The following NPAS3 variants were observed in gnomAD, a reference collection of about 807,000 sequenced individuals.
NPAS3 encodes neuronal PAS domain protein 3, also known as neuronal PAS domain-containing protein 3.
In NPAS3, 14 loss-of-function variants were observed where a neutral mutation model predicts 73.1. The ratio of observed to expected loss-of-function variants is 0.19; its 90% CI spans 0.13 to 0.30. The LOEUF is 0.30. Ranked by LOEUF, NPAS3 falls within the 10% of genes least tolerant of loss-of-function variation. NPAS3 has a pLI of 1.00. For missense variants in NPAS3, 1,096 were observed against 1,250.0 expected (o/e 0.88, Z 1.86); for synonymous variants, 620 against 541.5 (o/e 1.14, Z -2.01).
At chr14:33,622,834 T>C (rs1029673297) in intron 5 of NPAS3, among the ~76,000 whole-genome samples, 9 of 152,182 alleles carry the variant, frequency 5.9e-5, no homozygotes, top group African/African-American at 1.9e-4. Context: ...TGCAGAGATT[T>C]TTTTTCCCAA....
chr14:33,115,036 G>T (rs1484638398), intron 2 of NPAS3, among the ~76,000 whole-genome samples: 1 of 152,096 alleles, frequency 6.6e-6, no homozygotes, highest in Non-Finnish European at 1.5e-5. Context: ...TCTAAGAAAG[G>T]CATGATAGAC....
At chr14:33,665,819 A>G (rs2140294388) in intron 5 of NPAS3, among the ~76,000 whole-genome samples, 1 of 152,342 alleles carries the variant, frequency 6.6e-6, no homozygotes, top group African/African-American at 2.4e-5. Flanking sequence ...AATTAATTAA[A>G]ATTCCAAAAT....
intron 3 of NPAS3, among the ~76,000 whole-genome samples, chr14:33,285,415 G>C (rs751777072): frequency 1.3e-5 from 2 of 152,134 alleles, no homozygotes; most frequent in Non-Finnish European, 2.9e-5. Context: ...TAGTTATTGA[G>C]TAAAATATTT....
At chr14:33,571,615 A>G (rs1455557974) in intron 5 of NPAS3, among the ~76,000 whole-genome samples, 1 of 152,174 alleles carries the variant, frequency 6.6e-6, no homozygotes, top group East Asian at 1.9e-4. Context: ...AAAGTCTCCT[A>G]CACTTTCAGT....
intron 1 of NPAS3, among the ~76,000 whole-genome samples, chr14:33,002,457 T>A (rs374265030): frequency 4.2e-4 from 64 of 152,182 alleles, no homozygotes; most frequent in African/African-American, 1.5e-3. Flanking sequence ...CTTATGGTTG[T>A]TTGTAGGATC....
At chr14:33,513,962 C>T (rs1407830635) in intron 4 of NPAS3, among the ~76,000 whole-genome samples, 1 of 151,906 alleles carries the variant, frequency 6.6e-6, no homozygotes, top group African/African-American at 2.4e-5. Flanking sequence ...AAGCATGTAC[C>T]CCAGGCGCAA....
intron 6 of NPAS3, among the ~76,000 whole-genome samples, chr14:33,727,620 GAAAAGA>G (rs967717317): frequency 3.0e-4 from 45 of 150,620 alleles, no homozygotes; most frequent in East Asian, 2.7e-3. Flanking sequence ...AAAAAAAAGA[GAAAAGA>G]AAAAGAAAAA....
At chr14:33,129,077 C>T (rs2043539712) in intron 2 of NPAS3, among the ~76,000 whole-genome samples, 1 of 152,012 alleles carries the variant, frequency 6.6e-6, no homozygotes, top group African/African-American at 2.4e-5. Context: ...AACCAGGGGC[C>T]AAGATTTCCA....
chr14:33,719,214 A>G (rs771143944), intron 6 of NPAS3, among the ~76,000 whole-genome samples: 3 of 152,108 alleles, frequency 2.0e-5, no homozygotes, highest in African/African-American at 4.8e-5. Context: ...GCTGCTCTCC[A>G]TATCTGTGGT....
At chr14:33,558,819 C>T (rs553411110) in intron 4 of NPAS3, among the ~76,000 whole-genome samples, 1 of 148,980 alleles carries the variant, frequency 6.7e-6, no homozygotes, top group South Asian at 2.1e-4. Flanking sequence ...GCTCCTAGCG[C>T]GGGTTTCCTG....
At position 33,790,085 on chromosome 14, in the gene NPAS3, A is replaced by G. The variant is rs576175519; in HGVS notation, c.1154-3812A>G. ...ACAAGGATGTGATATTCAAATTAGA[A>G]TCTCTCCTTCTAGTTCCTCTCCCTC... On this transcript the variant is annotated intron_variant, in intron 9 of 11. Coordinates refer to ENST00000356141, the Ensembl canonical transcript of NPAS3. Among the ~76,000 whole-genome samples, 28 of 152,112 alleles carry G rather than the reference A, an allele frequency of 1.8e-4. No homozygotes were observed. In the South Asian group the frequency reaches 2.1e-3, roughly 11 times the overall value.
chr14:33,654,483 C>A (rs992689243), intron 5 of NPAS3, among the ~76,000 whole-genome samples: 1 of 151,988 alleles, frequency 6.6e-6, no homozygotes, highest in African/African-American at 2.4e-5. Context: ...CTAACCTTTT[C>A]CAGTGGTGAA....
At chr14:33,255,663 A>T (rs1424986349) in intron 3 of NPAS3, among the ~76,000 whole-genome samples, 1 of 152,158 alleles carries the variant, frequency 6.6e-6, no homozygotes, top group Non-Finnish European at 1.5e-5. Context: ...ACCCTGTTAT[A>T]GATAAACACC....
intron 2 of NPAS3, among the ~76,000 whole-genome samples, chr14:33,187,075 G>A (rs1437402581): frequency 6.6e-6 from 1 of 152,168 alleles, no homozygotes; most frequent in Non-Finnish European, 1.5e-5. Context: ...AACACCCTTT[G>A]AACTGGTCTT....
At chr14:33,304,218 T>C (rs1160543945) in intron 3 of NPAS3, among the ~76,000 whole-genome samples, 1 of 152,250 alleles carries the variant, frequency 6.6e-6, no homozygotes, top group Non-Finnish European at 1.5e-5. Flanking sequence ...TAAGATTTAA[T>C]GTGGAACTTG....
intron 4 of NPAS3, among the ~76,000 whole-genome samples, chr14:33,526,997 T>C (rs1368604264): frequency 6.6e-6 from 1 of 152,170 alleles, no homozygotes; most frequent in Non-Finnish European, 1.5e-5. Context: ...GAGGAATAGA[T>C]GGCATCCTTG....
At chr14:32,969,950 T>C (rs957923084) in intron 1 of NPAS3, among the ~76,000 whole-genome samples, 11 of 152,188 alleles carry the variant, frequency 7.2e-5, no homozygotes, top group African/African-American at 2.2e-4. Context: ...TACTAATTAC[T>C]GAAAACAATA....
At chr14:33,410,083 G>A (rs1228041871) in intron 4 of NPAS3, among the ~76,000 whole-genome samples, 3 of 152,010 alleles carry the variant, frequency 2.0e-5, no homozygotes, top group Admixed American at 2.0e-4. Context: ...TTAAATATTT[G>A]TAAACTTATT....
rs530945705 is a variant in NPAS3 at position 33,208,491 on chromosome 14, A to G, written c.141-6691A>G. On this transcript the variant is annotated intron_variant, in intron 2 of 11. Transcript: ENST00000356141. ...ATGGCTTTAATTACTCTTTTGATCTATTTTACCACAAGTCAAATGGGTCAG... is the reference window on the plus strand; with the variant it reads ...ATGGCTTTAATTACTCTTTTGATCTGTTTTACCACAAGTCAAATGGGTCAG... Among the ~76,000 whole-genome samples the G allele has an allele frequency of 7.9e-5, 12 of 152,296 alleles. No homozygotes were observed. The East Asian group carries it at 1.5e-3, about 20-fold the overall frequency.
Sources: allele counts gnomAD v4.1 joint callset (sites outside exome capture counted in the v4.1 genomes callset), GRCh38; gene constraint gnomAD v4.1.1; transcripts MANE v1.5; gene names NCBI Gene and HGNC (gene_info 2026-07-23, HGNC 2026-07-21).